The following HTR6 variants were observed in gnomAD, a reference collection of about 807,000 sequenced individuals.
HTR6 encodes the protein 5-hydroxytryptamine receptor 6.
In HTR6, 15 loss-of-function variants were observed where a neutral mutation model predicts 17.4. That is an observed-to-expected ratio of 0.86 (90% CI 0.58 to 1.33). The LOEUF is 1.33. Among genes scored for constraint, HTR6 ranks in the 40% most tolerant of loss-of-function variants. The probability of loss-of-function intolerance (pLI) is 0.00; values close to 1 mark genes in which losing one functional copy is unlikely to be tolerated. For synonymous variants in HTR6, 326 were observed against 295.5 expected (o/e 1.10, Z -1.06); for missense variants, 578 against 616.0 (o/e 0.94, Z 0.65).
intron 1 of HTR6, among the ~76,000 whole-genome samples, chr1:19,669,415 TAGAC>T (rs775301446): frequency 2.6e-5 from 4 of 152,288 alleles, no homozygotes; most frequent in South Asian, 2.1e-4. Flanking sequence ...GCACCCCTGT[TAGAC>T]AGGTGGGGAA....
chr1:19,665,848 C>A lies in HTR6; in HGVS notation c.95C>A (p.Ala32Glu). 6.3e-7 allele frequency: 1 copy of A among 1,580,550 alleles called. No homozygotes were observed. The highest frequency in any genetic ancestry group is 8.6e-7 in the Non-Finnish European group (1 of 1,163,882). The change falls in exon 1 of 3, where the codon GCG becomes GAG. Residue 32 changes from alanine to glutamate, a missense_variant. By Grantham distance (107) the Ala-to-Glu change is moderately radical. Transcript: ENST00000289753. This position sits in a 1 kb window ranked among gnomAD's most constrained non-coding sequence, Gnocchi z 4.2. ...APGGSGWVAAALCVVIALTAA... is the reference protein window; with the variant it reads ...APGGSGWVAAELCVVIALTAA... ...GGGGGCAGCGGCTGGGTGGCGGCCG[C>A]GCTGTGCGTGGTCATCGCGCTGACG...
intron 1 of HTR6, among the ~76,000 whole-genome samples, chr1:19,674,633 T>G (rs2100474104): frequency 6.6e-6 from 1 of 152,352 alleles, no homozygotes; most frequent in East Asian, 1.9e-4. Flanking sequence ...CTCGAACTAC[T>G]GACCTCAAGT....
At position 19,679,546 on chromosome 1, in the gene HTR6, A is replaced by C; in HGVS notation, c.*178A>C. ...ATCTCCAGGCCCCTTACCTGCAGGG[A>C]TCATAGCTGACTCAGATATCGTGTT... On this transcript the variant is annotated 3_prime_UTR_variant, in exon 3 of 3. Coordinates refer to ENST00000289753, the MANE Select transcript of HTR6 (RefSeq NM_000871.3). The surrounding 1 kb of genome is among the most constrained non-coding windows in gnomAD (Gnocchi z 4.9). 2 of 850,644 alleles carry C rather than the reference A, an allele frequency of 2.4e-6. No homozygotes were observed. Among genetic ancestry groups the C allele is most frequent in the South Asian group, 4.1e-5 (2 of 49,160 alleles). 52.7% of individuals were successfully genotyped at this position (850,644 alleles called of 1,614,324 possible). A position where few individuals can be genotyped will look rare whatever the true frequency, so the allele number is the denominator to read the frequency against.
In HTR6 at chr1:19,666,723, A is replaced by G. The variant is rs1455456959; in HGVS notation, c.714+256A>G. Among the ~76,000 whole-genome samples, 1 of 151,832 alleles carries G rather than the reference A, an allele frequency of 6.6e-6. No individual in the cohort carries two copies. Among genetic ancestry groups the G allele is most frequent in the Non-Finnish European group, 1.5e-5 (1 of 67,948 alleles). On this transcript the variant is annotated intron_variant, in intron 1 of 2. Coordinates refer to ENST00000289753, the MANE Select transcript of HTR6 (RefSeq NM_000871.3). The surrounding 1 kb of genome is among the most constrained non-coding windows in gnomAD (Gnocchi z 4.5). ...AATTTATGGTGGCCCAACTCTCCCCATCTTTGCCTCCCTGGTCTTCCCCAT... is the reference window on the plus strand; with the variant it reads ...AATTTATGGTGGCCCAACTCTCCCCGTCTTTGCCTCCCTGGTCTTCCCCAT...
intron 1 of HTR6, among the ~76,000 whole-genome samples, chr1:19,670,466 C>T (rs1201172699): frequency 1.5e-5 from 2 of 133,452 alleles, no homozygotes; most frequent in East Asian, 4.2e-4. Context: ...TGTTTTTCTG[C>T]CTTTTTTTTT....
intron 1 of HTR6, among the ~76,000 whole-genome samples, chr1:19,670,876 G>A (rs763233035): frequency 6.6e-6 from 1 of 152,150 alleles, no homozygotes; most frequent in Non-Finnish European, 1.5e-5. Context: ...CAGGGAGCCT[G>A]GTATTCCAGC....
rs762203940 is a variant in HTR6, at chr1:19,666,317, T to C, written c.564T>C (p.Phe188=). Residue 188 remains phenylalanine, a synonymous_variant, in exon 1 of 3, where the codon TTT becomes TTC. Transcript: ENST00000289753. This position sits in a 1 kb window ranked among gnomAD's most constrained non-coding sequence, Gnocchi z 4.5. The part of the protein sequence containing the change: ...GQCRLLASLP[F]VLVASGLTFF... ...GCCGCCTGCTGGCCAGCCTGCCTTT[T>C]GTCCTTGTGGCGTCGGGCCTCACCT... The C allele has an allele frequency of 1.9e-6, 3 of 1,613,552 alleles. No homozygotes were observed. The South Asian group carries it at 3.3e-5, about 18-fold the overall frequency.
Position 19,679,166 on chromosome 1 carries a change from T to C in HTR6, c.1121T>C (p.Leu374Pro), listed in dbSNP as rs1219838177. ...CTACAGCAGGTGCTGCCGCTGCCCC[T>C]GCCGCCGGACTCAGATTCGGACTCA... ...LSLQQVLPLPLPPDSDSDSDA... is the reference protein window; with the variant it reads ...LSLQQVLPLPPPPDSDSDSDA... Residue 374 changes from leucine (L) to proline (P), a missense_variant, in exon 3 of 3, where the codon CTG becomes CCG. Leu to Pro is a moderately conservative substitution (Grantham distance 98). Transcript: ENST00000289753. This position sits in a 1 kb window ranked among gnomAD's most constrained non-coding sequence, Gnocchi z 4.9. 1 of 1,596,594 alleles carries C rather than the reference T, an allele frequency of 6.3e-7. No individual in the cohort carries two copies. Among genetic ancestry groups the C allele is most frequent in the Non-Finnish European group, 8.5e-7 (1 of 1,173,682 alleles).
chr1:19,671,017 G>C (rs979880645), intron 1 of HTR6, among the ~76,000 whole-genome samples: 1 of 152,174 alleles, frequency 6.6e-6, no homozygotes, highest in Non-Finnish European at 1.5e-5. Context: ...CACAGCAGCT[G>C]TTCTAGGCTG....
chr1:19,666,309 C>T lies in HTR6; in HGVS notation c.556C>T (p.Leu186=). The T allele has an allele frequency of 6.2e-7, 1 of 1,613,342 alleles. No homozygotes were observed. Among genetic ancestry groups the T allele is most frequent in the Non-Finnish European group, 8.5e-7 (1 of 1,179,938 alleles). The change falls in exon 1 of 3, where the codon CTG becomes TTG. Residue 186 remains leucine (L), a synonymous_variant. Transcript: ENST00000289753. This position sits in a 1 kb window ranked among gnomAD's most constrained non-coding sequence, Gnocchi z 4.5. ...VPGQCRLLAS[L]PFVLVASGLT... ...TGGCCAGTGCCGCCTGCTGGCCAGCCTGCCTTTTGTCCTTGTGGCGTCGGG... is the reference window on the plus strand; with the variant it reads ...TGGCCAGTGCCGCCTGCTGGCCAGCTTGCCTTTTGTCCTTGTGGCGTCGGG...
chr1:19,675,026 T>G (rs2095092642), intron 1 of HTR6, among the ~76,000 whole-genome samples: 1 of 152,184 alleles, frequency 6.6e-6, no homozygotes, highest in African/African-American at 2.4e-5. Context: ...TGACAGCCAT[T>G]GGCTTCTGCT....
Position 19,666,104 on chromosome 1 carries a change from C to T in HTR6, c.351C>T (p.Leu117=), listed in dbSNP as rs1289949024. ...VMCCSASILN[L]CLISLDRYLL... is the part of the protein sequence containing the mutation. The stretch of plus-strand genomic sequence containing the variant: ...GCTGCAGCGCCTCCATCCTCAACCT[C>T]TGCCTCATCAGCCTGGACCGCTACC... Residue 117 remains leucine, a synonymous_variant, in exon 1 of 3, where the codon CTC becomes CTT. Transcript: ENST00000289753. The surrounding 1 kb of genome is among the most constrained non-coding windows in gnomAD (Gnocchi z 4.5). 1 of 1,612,686 alleles carries T rather than the reference C, an allele frequency of 6.2e-7. No individual in the cohort carries two copies. The highest frequency in any genetic ancestry group is 1.7e-5 in the Admixed American group (1 of 60,036).
chr1:19,666,436 G>T lies in HTR6; in HGVS notation c.683G>T (p.Gly228Val), dbSNP rs1179610165. The change falls in exon 1 of 3, where the codon GGC (glycine) becomes GTC (valine). Residue 228 changes from glycine to valine, a missense_variant. Coordinates refer to ENST00000289753, the MANE Select transcript of HTR6 (RefSeq NM_000871.3). This position sits in a 1 kb window ranked among gnomAD's most constrained non-coding sequence, Gnocchi z 4.5. ...GTGCAGGTGGCCTCCCTCACCACCG[G>T]CATGGCCAGTCAGGCCTCGGAGACG... ...QAVQVASLTT[G>V]MASQASETLQ... 1 of 1,611,752 alleles carries T rather than the reference G, an allele frequency of 6.2e-7. No homozygotes were observed. Among genetic ancestry groups the T allele is most frequent in the South Asian group, 1.1e-5 (1 of 90,910 alleles).
rs537784523 is a variant in HTR6 at position 19,679,131 on chromosome 1, C to T, written c.1086C>T (p.Pro362=). ...SLRTSHSGPR[P]GLSLQQVLPL... The stretch of plus-strand genomic sequence containing the variant: ...GCACCTCTCACAGCGGCCCCCGGCC[C>T]GGCCTTAGCCTACAGCAGGTGCTGC... The change falls in exon 3 of 3, where the codon CCC becomes CCT. Residue 362 remains proline, a synonymous_variant. Transcript: ENST00000289753. The surrounding 1 kb of genome is among the most constrained non-coding windows in gnomAD (Gnocchi z 4.9). The T allele has an allele frequency of 2.5e-5, 40 of 1,610,630 alleles. No individual in the cohort carries two copies. The highest frequency in any genetic ancestry group is 2.2e-4 in the South Asian group (20 of 90,950).
At chr1:19,676,493 A>G (rs993582876) in intron 1 of HTR6, among the ~76,000 whole-genome samples, 4 of 152,228 alleles carry the variant, frequency 2.6e-5, no homozygotes, top group African/African-American at 7.2e-5. Context: ...GGTGGGGATT[A>G]CGATGTGCTT....
Position 19,678,640 on chromosome 1 carries a change from C to T in HTR6, c.788C>T (p.Ala263Val), listed in dbSNP as rs201632507. 2 of 1,613,734 alleles carry T rather than the reference C, an allele frequency of 1.2e-6. No individual in the cohort carries two copies. Among genetic ancestry groups the T allele is most frequent in the East Asian group, 2.2e-5 (1 of 44,864 alleles). ...CTAGCCACGAAGCACAGCAGGAAGGCCCTGAAGGCCAGCCTGACGCTGGGC... is the reference window on the plus strand; with the variant it reads ...CTAGCCACGAAGCACAGCAGGAAGGTCCTGAAGGCCAGCCTGACGCTGGGC... ...RRLATKHSRK[A>V]LKASLTLGIL... is the part of the protein sequence containing the mutation. The change falls in exon 2 of 3, where the codon GCC becomes GTC. Residue 263 changes from alanine to valine, a missense_variant. Transcript: ENST00000289753.
chr1:19,666,399 C>G lies in HTR6; in HGVS notation c.646C>G (p.Arg216Gly), dbSNP rs772070423. Reference protein sequence around the residue: ...FTYCRILLAARKQAVQVASLT... With the variant: ...FTYCRILLAAGKQAVQVASLT... Reference sequence around the variant, plus strand: ...CTACTGCAGGATCCTGCTAGCTGCCCGCAAGCAGGCCGTGCAGGTGGCCTC... The same window carrying G: ...CTACTGCAGGATCCTGCTAGCTGCCGGCAAGCAGGCCGTGCAGGTGGCCTC... Residue 216 changes from arginine to glycine, a missense_variant, in exon 1 of 3, where the codon CGC (arginine) becomes GGC (glycine). Physicochemically the swap from Arg to Gly is moderately radical, Grantham distance 125. Coordinates refer to ENST00000289753, the MANE Select transcript of HTR6 (RefSeq NM_000871.3). This position sits in a 1 kb window ranked among gnomAD's most constrained non-coding sequence, Gnocchi z 4.5. 1.2e-6 allele frequency: 2 copies of G among 1,613,662 alleles called. No homozygotes were observed. Among genetic ancestry groups the G allele is most frequent in the African/African-American group, 1.3e-5 (1 of 75,032 alleles).
In HTR6 at chr1:19,665,539, C is replaced by T; in HGVS notation, c.-215C>T. 2.2e-6 allele frequency: 1 copy of T among 450,666 alleles called. No individual in the cohort carries two copies. The allele number at this position is 450,666 out of a possible 1,614,324, so 27.9% of individuals were successfully genotyped here. A position where few individuals can be genotyped will look rare whatever the true frequency, so the allele number is the denominator to read the frequency against. On this transcript the variant is annotated 5_prime_UTR_variant, in exon 1 of 3. Coordinates refer to ENST00000289753, the MANE Select transcript of HTR6 (RefSeq NM_000871.3). The surrounding 1 kb of genome is among the most constrained non-coding windows in gnomAD (Gnocchi z 4.2). ...AGTTCCTGCCCCATCCCCGAGGGCG[C>T]CCAAATAGCCACACTGTGTCCTCCT... is the stretch of plus-strand genomic sequence containing the variant.
chr1:19,668,941 T>C (rs992743079), intron 1 of HTR6, among the ~76,000 whole-genome samples: 2 of 152,200 alleles, frequency 1.3e-5, no homozygotes, highest in South Asian at 2.1e-4. Context: ...TTTCTCTTTG[T>C]AGCGTGCTAG....
Sources: gnomAD v4.1 joint callset for allele counts (sites outside exome capture counted in the v4.1 genomes callset) on GRCh38, gnomAD v4.1.1 for gene constraint, Gnocchi (gnomAD v3.1) non-coding constraint, MANE v1.5 for transcripts, NCBI Gene and HGNC (gene_info 2026-07-23, HGNC 2026-07-21) for gene names.